Variants in FMN1 observed in about 807,000 individuals in gnomAD.
FMN1 encodes the protein formin 1.
In FMN1, 110 loss-of-function variants were observed where a neutral mutation model predicts 132.4. The ratio of observed to expected loss-of-function variants is 0.83; its 90% CI spans 0.71 to 0.97. The LOEUF (loss-of-function observed/expected upper bound fraction) is 0.97. Among genes scored for constraint, FMN1 ranks in the 50% least tolerant of loss-of-function variants. The pLI is 0.00. For missense variants in FMN1, 1,792 were observed against 1,705.3 expected (o/e 1.05, Z -0.90); for synonymous variants, 722 against 651.7 (o/e 1.11, Z -1.64).
chr15:32,850,814 C>CT (rs763984853), intron 17 of FMN1, among the ~76,000 whole-genome samples: 7 of 151,872 alleles, frequency 4.6e-5, no homozygotes, highest in African/African-American at 9.7e-5. Context: ...GAAAATAGTT[C>CT]TTTTTTTTAA....
intron 17 of FMN1, 55 bp downstream of exon 17, chr15:32,856,960 T>C (rs556077850): frequency 8.5e-6 from 11 of 1,286,830 alleles, no homozygotes; most frequent in East Asian, 4.6e-5. Flanking sequence ...GAAAGATTCA[T>C]GGAATGAAGG....
At chr15:33,060,611 A>G (rs776037299) in intron 6 of FMN1, among the ~76,000 whole-genome samples, 26 of 152,172 alleles carry the variant, frequency 1.7e-4, no homozygotes, top group Non-Finnish European at 1.9e-4. Flanking sequence ...AATAACTACA[A>G]TGTATTATGC....
chr15:32,906,537 G>T (rs925379736), intron 12 of FMN1, among the ~76,000 whole-genome samples: 1 of 152,148 alleles, frequency 6.6e-6, no homozygotes, highest in African/African-American at 2.4e-5. Flanking sequence ...TCCTTTACAG[G>T]AAAGGTTTGC....
intron 17 of FMN1, among the ~76,000 whole-genome samples, chr15:32,804,738 C>A (rs930255376): frequency 6.7e-6 from 1 of 150,258 alleles, no homozygotes; most frequent in African/African-American, 2.5e-5. Flanking sequence ...TCAACTCCCA[C>A]CTATGAGTGA....
At chr15:32,842,749 G>A (rs1217439062) in intron 17 of FMN1, among the ~76,000 whole-genome samples, 1 of 150,728 alleles carries the variant, frequency 6.6e-6, no homozygotes, top group African/African-American at 2.4e-5. Context: ...TATGGTGGTG[G>A]TATTACTACC....
At chr15:33,117,702 G>C (rs1192423022) in intron 4 of FMN1, among the ~76,000 whole-genome samples, 4 of 81,048 alleles carry the variant, frequency 4.9e-5, no homozygotes, top group Non-Finnish European at 1.4e-4. Context: ...ACATTTACTA[G>C]AGATTAACTA....
intron 9 of FMN1, among the ~76,000 whole-genome samples, chr15:32,954,779 G>A (rs892355713): frequency 3.9e-5 from 6 of 152,216 alleles, no homozygotes; most frequent in Non-Finnish European, 7.3e-5. Context: ...GTCAAGGTGG[G>A]CGGATCACTT....
intron 6 of FMN1, among the ~76,000 whole-genome samples, chr15:33,016,389 C>T (rs571773929): frequency 9.2e-5 from 14 of 152,276 alleles, no homozygotes; most frequent in Non-Finnish European, 1.9e-4. Flanking sequence ...ATTTAATAAG[C>T]TTATGAAACC....
At position 33,154,201 on chromosome 15, in the gene FMN1, TG is replaced by T. The variant is rs1280724404; in HGVS notation, c.713del (p.Pro238GlnfsTer106). 1 of 1,536,290 alleles carries T rather than the reference TG, an allele frequency of 6.5e-7. No homozygotes were observed. Among genetic ancestry groups the T allele is most frequent in the Non-Finnish European group, 8.7e-7 (1 of 1,146,958 alleles). ...CTGTGTCTGGCGTCTTGGGAATATC[TG>T]GGGGGCAGCTCTCTCTCCTCTGCAG... Reference protein sequence around the residue: ...CSLQRRESCPPDIPKTPDTDL... With the variant: ...CSLQRRESCPXDIPKTPDTDL... On this transcript the variant is annotated frameshift_variant, in exon 4 of 21. Coordinates refer to ENST00000616417, the MANE Select transcript of FMN1 (RefSeq NM_001277313.2). LOFTEE classifies it high-confidence loss of function.
chr15:33,090,738 T>A (rs997986350), intron 4 of FMN1, among the ~76,000 whole-genome samples: 10 of 152,178 alleles, frequency 6.6e-5, no homozygotes, highest in Non-Finnish European at 1.3e-4. Context: ...GACCCACTTC[T>A]AGTCTCAAGA....
At chr15:33,186,173 T>TA (rs534215403) in intron 2 of FMN1, among the ~76,000 whole-genome samples, 2,669 of 136,152 alleles carry the variant, frequency 0.02, 77 homozygotes, top group Admixed American at 0.096. Context: ...GCTCTAAATG[T>TA]AAAAAAAAAA....
chr15:33,135,142 T>G (rs933078504), intron 4 of FMN1, among the ~76,000 whole-genome samples: 9 of 152,258 alleles, frequency 5.9e-5, no homozygotes, highest in African/African-American at 2.2e-4. Context: ...TTTTTTGGTC[T>G]CCCAAGGAAT....
In FMN1 at chr15:33,153,173, T is replaced by C. The variant is rs995215317; in HGVS notation, c.1742A>G (p.Glu581Gly). ...LEPPSSAKVT[E>G]TKGASPAFLR... ...GAAGGCCGGGCTGGCTCCTTTGGTC[T>C]CCGTGACCTTTGCAGAGGATGGTGG... The change falls in exon 4 of 21, where the codon GAG (glutamate) becomes GGG (glycine). Residue 581 changes from glutamate (E) to glycine (G), a missense_variant. This residue lies in a region of FMN1 where 1,150 missense variants were observed against 1,043.1 expected (regional missense o/e 1.10). Transcript: ENST00000616417. The C allele has an allele frequency of 1.3e-6, 2 of 1,536,014 alleles. No homozygotes were observed. Among genetic ancestry groups the C allele is most frequent in the African/African-American group, 1.4e-5 (1 of 73,036 alleles).
At chr15:32,854,820 A>G (rs1456365816) in intron 17 of FMN1, among the ~76,000 whole-genome samples, 1 of 152,112 alleles carries the variant, frequency 6.6e-6, no homozygotes, top group Non-Finnish European at 1.5e-5. Flanking sequence ...AGGCTGAGGC[A>G]GAAGAATTGC....
chr15:33,154,586 A>T lies in FMN1; in HGVS notation c.329T>A (p.Ile110Asn), dbSNP rs1417661615. ...NLLSSDHILG[I>N]TMGNQEGKLQ... is the part of the protein sequence containing the mutation. The stretch of plus-strand genomic sequence containing the variant: ...CTTCCCCTCCTGGTTCCCCATCGTG[A>T]TCCCCAGGATGTGGTCTGAGCTCAG... The change falls in exon 4 of 21, where the codon ATC becomes AAC. Residue 110 changes from isoleucine to asparagine, a missense_variant. Coordinates refer to ENST00000616417, the MANE Select transcript of FMN1 (RefSeq NM_001277313.2). 7 of 1,535,906 alleles carry T rather than the reference A, an allele frequency of 4.6e-6. No individual in the cohort carries two copies. Among genetic ancestry groups the T allele is most frequent in the Admixed American group, 2.0e-5 (1 of 50,968 alleles).
chr15:32,820,199 A>G (rs1396378427), intron 17 of FMN1, among the ~76,000 whole-genome samples: 1 of 152,194 alleles, frequency 6.6e-6, no homozygotes, highest in African/African-American at 2.4e-5. Flanking sequence ...TACAACGTGA[A>G]GGGTGTATAT....
At chr15:33,027,452 A>T (rs369787003) in intron 6 of FMN1, among the ~76,000 whole-genome samples, 1 of 152,198 alleles carries the variant, frequency 6.6e-6, no homozygotes, top group Non-Finnish European at 1.5e-5. Flanking sequence ...TCTTAGTGAG[A>T]ACTGTATGCA....
At chr15:33,115,499 CCCCCACACACACACG>C (rs1367538400) in intron 4 of FMN1, among the ~76,000 whole-genome samples, 1 of 143,604 alleles carries the variant, frequency 7.0e-6, no homozygotes, top group Non-Finnish European at 1.5e-5. Flanking sequence ...AAGCCCCCCC[CCCCCACACACACACG>C]CACACACACA....
At chr15:33,086,374 A>T (rs536671109) in intron 5 of FMN1, among the ~76,000 whole-genome samples, 3 of 106,960 alleles carry the variant, frequency 2.8e-5, no homozygotes, top group East Asian at 2.0e-4. Context: ...ACAAAAAAAA[A>T]TTTATCAAAT....
Sources: gnomAD v4.1 joint callset for allele counts (sites outside exome capture counted in the v4.1 genomes callset) on GRCh38, gnomAD v4.1.1 for gene constraint, gnomAD v4.1.1 regional missense constraint, MANE v1.5 for transcripts, NCBI Gene and HGNC (gene_info 2026-07-23, HGNC 2026-07-21) for gene names.